Variants in ZNF276 observed in about 807,000 individuals in gnomAD.
ZNF276 encodes centromere protein Z.
Under a neutral mutation model 63.9 loss-of-function variants are expected in ZNF276, and 59 were observed. The ratio of observed to expected loss-of-function variants is 0.92; its 90% confidence interval spans 0.75 to 1.15. ZNF276 has a LOEUF of 1.15. Ranked by LOEUF, ZNF276 falls within the 50% of genes most tolerant of loss-of-function variation. ZNF276 has a pLI of 0.00. For synonymous variants in ZNF276, 496 were observed against 348.4 expected, an observed-to-expected ratio of 1.42 and a Z score of -4.72; for missense variants, 1,084 against 843.8, an observed-to-expected ratio of 1.28 and a Z score of -3.53.
chr16:89,722,176 G>C (rs1022108510), intron 1 of ZNF276, among the ~76,000 whole-genome samples: 34 of 152,350 alleles, frequency 2.2e-4, no homozygotes, highest in Middle Eastern at 3.4e-3. Flanking sequence ...GAGCCGGAAA[G>C]GAGGCGGCAC....
chr16:89,735,154 C>G (rs747854139), intron 9 of ZNF276, among the ~76,000 whole-genome samples: 1 of 152,068 alleles, frequency 6.6e-6, no homozygotes, highest in South Asian at 2.1e-4. Context: ...GTTTGAACCA[C>G]GTGGACCCAC....
intron 9 of ZNF276, among the ~76,000 whole-genome samples, chr16:89,736,942 A>G (rs2061936673): frequency 6.6e-6 from 1 of 152,122 alleles, no homozygotes; most frequent in African/African-American, 2.4e-5. Flanking sequence ...ATGCCAAGAT[A>G]GGGTTTCCCT....
Position 89,737,794 on chromosome 16 carries a change from C to CT in ZNF276, c.1475-11dup, listed in dbSNP as rs760540231. The CT allele has an allele frequency of 8.1e-6, 13 of 1,614,050 alleles. No homozygotes were observed. Among genetic ancestry groups the CT allele is most frequent in the Middle Eastern group, 1.6e-4 (1 of 6,084 alleles). On this transcript the variant is annotated splice_polypyrimidine_tract_variant and intron_variant, in intron 9 of 10. Coordinates refer to ENST00000443381, the MANE Select transcript of ZNF276 (RefSeq NM_001113525.2). ...ATCAGGGGCCTGGACTCACTGGACT[C>CT]TCCCCTCTCAGAGGTGCGGAACTAT...
At chr16:89,730,954 C>T (rs1452005597) in intron 6 of ZNF276, among the ~76,000 whole-genome samples, 2 of 152,234 alleles carry the variant, frequency 1.3e-5, no homozygotes, top group African/African-American at 4.8e-5. Flanking sequence ...CCAGGGCCTG[C>T]ACCCCCATGG....
At chr16:89,734,420 G>C (rs887503298) in intron 9 of ZNF276, among the ~76,000 whole-genome samples, 1 of 152,170 alleles carries the variant, frequency 6.6e-6, no homozygotes, top group Admixed American at 6.5e-5. Context: ...CTGCCTCCCA[G>C]GTTCAATCAA....
chr16:89,723,653 T>G lies in ZNF276; in HGVS notation c.950T>G (p.Val317Gly). 6.2e-7 allele frequency: 1 copy of G among 1,612,514 alleles called. No homozygotes were observed. The highest frequency in any genetic ancestry group is 8.5e-7 in the Non-Finnish European group (1 of 1,179,942). The part of the protein sequence containing the change: ...VAQPPSDSDA[V>G]GPRSGFPPQP... The stretch of plus-strand genomic sequence containing the variant: ...CAGCCTCCTTCGGACAGCGACGCGG[T>G]GGGGCCCAGGTCGGGCTTCCCACCT... Residue 317 changes from valine to glycine, a missense_variant, in exon 4 of 11, where the codon GTG becomes GGG. Physicochemically the swap from Val to Gly is moderately radical, Grantham distance 109. Coordinates refer to ENST00000443381, the MANE Select transcript of ZNF276 (RefSeq NM_001113525.2).
In ZNF276 at chr16:89,739,830, T is replaced by C. The variant is rs1180629916; in HGVS notation, c.*1584T>C. The C allele has an allele frequency of 3.4e-6, 5 of 1,481,800 alleles. No individual in the cohort carries two copies. Among genetic ancestry groups the C allele is most frequent in the Non-Finnish European group, 4.5e-6 (5 of 1,119,242 alleles). 91.8% of individuals were successfully genotyped at this position (1,481,800 alleles called of 1,614,324 possible). A position where few individuals can be genotyped will look rare whatever the true frequency, so the allele number is the denominator to read the frequency against. On this transcript the variant is annotated 3_prime_UTR_variant, in exon 11 of 11. Transcript: ENST00000443381. The stretch of plus-strand genomic sequence containing the variant: ...GGTTGACCAGTGAGCCAGTAAATTA[T>C]CTTATTGCTTTAAACAAGTTTGTGC...
At chr16:89,732,691 C>G (rs547919217) in intron 6 of ZNF276, 1 of 203,426 alleles carries the variant, frequency 4.9e-6, no homozygotes, top group Non-Finnish European at 1.0e-5. Context: ...TGTGCTCACC[C>G]GACCCTGCTG....
rs768528618 is a variant in ZNF276, at chr16:89,733,915, C to T, written c.1357-6C>T. The T allele has an allele frequency of 2.5e-6, 4 of 1,613,418 alleles. No individual in the cohort carries two copies. In the South Asian group the frequency reaches 4.4e-5, roughly 18 times the overall value. On this transcript the variant is annotated splice_polypyrimidine_tract_variant and splice_region_variant and intron_variant, in intron 8 of 10. Transcript: ENST00000443381. The stretch of plus-strand genomic sequence containing the variant: ...CTGAGGGTCTCTCACCGAGTCTCTC[C>T]TTCAGAAGCACATCAAGGAGCACCA...
At position 89,737,867 on chromosome 16, in the gene ZNF276, C is replaced by T. The variant is rs369592437; in HGVS notation, c.1536C>T (p.Leu512=). The T allele has an allele frequency of 5.0e-5, 80 of 1,614,202 alleles. No individual in the cohort carries two copies. The highest frequency in any genetic ancestry group is 4.3e-4 in the Admixed American group (26 of 60,018). The change falls in exon 10 of 11, where the codon CTC becomes CTT. Residue 512 remains leucine (L), a synonymous_variant. Coordinates refer to ENST00000443381, the MANE Select transcript of ZNF276 (RefSeq NM_001113525.2). ...CCTTCAAGCAGCGGAAGCACCTTCT[C>T]GTCCACCAAATGCGACATTCGGGAG... ...GQTFKQRKHL[L]VHQMRHSGAK...
In ZNF276 at chr16:89,738,179, C is replaced by T. The variant is rs773502564; in HGVS notation, c.1778C>T (p.Pro593Leu). The change falls in exon 11 of 11, where the codon CCA becomes CTA. Residue 593 changes from proline to leucine, a missense_variant. Transcript: ENST00000443381. ...QDKALPLEAE[P>L]PPGPPSPSVT... ...AAGGCCCTGCCCCTGGAGGCGGAAC[C>T]ACCACCTGGGCCACCGAGCCCCTCT... 3.1e-6 allele frequency: 5 copies of T among 1,612,348 alleles called. No individual in the cohort carries two copies. In the Admixed American group the frequency reaches 6.7e-5, roughly 22 times the overall value.
Position 89,740,822 on chromosome 16 carries a change from C to A in ZNF276, c.*2576C>A, listed in dbSNP as rs138144828. The A allele has an allele frequency of 1.2e-6, 2 of 1,613,334 alleles. No homozygotes were observed. The highest frequency in any genetic ancestry group is 2.7e-5 in the African/African-American group (2 of 74,814). The stretch of plus-strand genomic sequence containing the variant: ...GACTTACATTTGAGGTCAGATGTGA[C>A]GACAGCAGGCCCATCAAGGAGAAGA... On this transcript the variant is annotated 3_prime_UTR_variant, in exon 11 of 11. Transcript: ENST00000443381.
Position 89,738,943 on chromosome 16 carries a change from C to G in ZNF276, c.*697C>G, listed in dbSNP as rs149851163. ...AGGTATTAACTGCAGCAGAAAAAGACGAGCTTTTGTTATCAGTTCCACGGG... is the reference window on the plus strand; with the variant it reads ...AGGTATTAACTGCAGCAGAAAAAGAGGAGCTTTTGTTATCAGTTCCACGGG... On this transcript the variant is annotated 3_prime_UTR_variant, in exon 11 of 11. Transcript: ENST00000443381. The G allele has an allele frequency of 1.2e-6, 2 of 1,614,272 alleles. No individual in the cohort carries two copies. Among genetic ancestry groups the G allele is most frequent in the South Asian group, 1.1e-5 (1 of 91,088 alleles).
Position 89,738,916 on chromosome 16 carries a change from C to G in ZNF276, c.*670C>G. ...GTGTGAGAAGCTCTTTTTCGGGCAC[C>G]GAGGTATTAACTGCAGCAGAAAAAG... On this transcript the variant is annotated 3_prime_UTR_variant, in exon 11 of 11. Coordinates refer to ENST00000443381, the MANE Select transcript of ZNF276 (RefSeq NM_001113525.2). 1.9e-6 allele frequency: 3 copies of G among 1,614,234 alleles called. No homozygotes were observed. Among genetic ancestry groups the G allele is most frequent in the Non-Finnish European group, 2.5e-6 (3 of 1,180,046 alleles).
chr16:89,734,963 A>C (rs930076336), intron 9 of ZNF276, among the ~76,000 whole-genome samples: 3 of 152,162 alleles, frequency 2.0e-5, no homozygotes, highest in Non-Finnish European at 4.4e-5. Flanking sequence ...GTTCAAGACC[A>C]GCCTGGCCAA....
chr16:89,740,251 G>A lies in ZNF276; in HGVS notation c.*2005G>A, dbSNP rs1170367300. The stretch of plus-strand genomic sequence containing the variant: ...AGTTTTACCTATAGAAGGTAATACT[G>A]GGCCTCTGGACAGAAGAGGCTCAGG... On this transcript the variant is annotated 3_prime_UTR_variant, in exon 11 of 11. Coordinates refer to ENST00000443381, the MANE Select transcript of ZNF276 (RefSeq NM_001113525.2). The A allele has an allele frequency of 2.7e-6, 2 of 732,332 alleles. No homozygotes were observed. Among genetic ancestry groups the A allele is most frequent in the Non-Finnish European group, 4.9e-6 (2 of 408,452 alleles). The allele number at this position is 732,332 out of a possible 1,614,324, so 45.4% of individuals were successfully genotyped here.
At chr16:89,723,789 C>T (rs1180848540) in intron 4 of ZNF276, 80 bp downstream of exon 4, 12 of 1,385,402 alleles carry the variant, frequency 8.7e-6, no homozygotes, top group Middle Eastern at 2.3e-4. Context: ...AAGTGAATGT[C>T]TCCACTGCTC....
At chr16:89,736,539 G>A (rs1221429310) in intron 9 of ZNF276, among the ~76,000 whole-genome samples, 3 of 150,422 alleles carry the variant, frequency 2.0e-5, no homozygotes, top group Admixed American at 6.6e-5. Flanking sequence ...TGATTGGGCT[G>A]GGGCTGGTCT....
Position 89,723,562 on chromosome 16 carries a change from C to T in ZNF276, c.859C>T (p.Gln287Ter). The T allele has an allele frequency of 1.2e-6, 2 of 1,612,792 alleles. No individual in the cohort carries two copies. Among genetic ancestry groups the T allele is most frequent in the Non-Finnish European group, 1.7e-6 (2 of 1,179,988 alleles). Residue 287 changes from glutamine to a stop codon, truncating the protein, a stop_gained, in exon 4 of 11, where the codon CAG becomes TAG. Transcript: ENST00000443381. LOFTEE classifies it high-confidence loss of function. The stretch of plus-strand genomic sequence containing the variant: ...CCCTGGGGATGCCCCTCAGACCTCC[C>T]AGGGTAGAGGGACAGGGACCCCAGT... Reference protein sequence around the residue: ...WNPGDAPQTSQGRGTGTPVGA... With the variant: ...WNPGDAPQTS
Sources: gnomAD v4.1 joint callset for allele counts (sites outside exome capture counted in the v4.1 genomes callset) on GRCh38, gnomAD v4.1.1 for gene constraint, MANE v1.5 for transcripts, NCBI Gene and HGNC (gene_info 2026-07-23, HGNC 2026-07-21) for gene names.